SP4: variants seen among roughly 807,000 people sequenced by gnomAD.
SP4 encodes transcription factor Sp4.
A neutral mutation model predicts 72.8 loss-of-function variants in SP4; 19 were observed. The observed-to-expected ratio is 0.26, with a 90% CI of 0.18 to 0.38. The LOEUF (loss-of-function observed/expected upper bound fraction) is 0.38, where lower values mean the gene tolerates loss of function less well. SP4 is among the 10% of genes least tolerant of loss of function. The pLI is 1.00. For synonymous variants in SP4, 395 were observed against 333.1 expected, an observed-to-expected ratio of 1.19 and a Z score of -2.02; for missense variants, 1,008 against 926.3, an observed-to-expected ratio of 1.09 and a Z score of -1.14.
At chr7:21,479,419 C>G (rs1479147845) in intron 4 of SP4, among the ~76,000 whole-genome samples, 1 of 152,162 alleles carries the variant, frequency 6.6e-6, no homozygotes, top group Non-Finnish European at 1.5e-5. Context: ...TCTTGGCACC[C>G]ATGTCAAAAA....
intron 3 of SP4, among the ~76,000 whole-genome samples, chr7:21,453,908 CCTAT>C (rs1420063994): frequency 2.0e-5 from 3 of 152,184 alleles, no homozygotes; most frequent in African/African-American, 4.8e-5. Context: ...TTAGCTTTAT[CCTAT>C]CTAACTTAAA....
chr7:21,463,679 C>T (rs1784072371), intron 3 of SP4, among the ~76,000 whole-genome samples: 3 of 152,280 alleles, frequency 2.0e-5, no homozygotes, highest in South Asian at 4.1e-4. Flanking sequence ...AGCCTGACTT[C>T]TTGGAGGAAG....
chr7:21,482,703 C>T (rs1784719533), intron 5 of SP4: 1 of 978,666 alleles, frequency 1.0e-6, no homozygotes. Context: ...TTTACGTACA[C>T]TTTTAATACT....
chr7:21,508,807 C>CTTTTT (rs11418275), intron 5 of SP4, among the ~76,000 whole-genome samples: 6 of 111,532 alleles, frequency 5.4e-5, no homozygotes, highest in Admixed American at 2.0e-4. Context: ...TGTCTACACA[C>CTTTTT]TTTTTTTTTT....
intron 3 of SP4, among the ~76,000 whole-genome samples, chr7:21,453,304 A>G (rs2128399381): frequency 6.6e-6 from 1 of 152,270 alleles, no homozygotes; most frequent in Admixed American, 6.5e-5. Context: ...TCCAGTTATC[A>G]GAAACCTGCA....
At chr7:21,504,459 G>C (rs925911027) in intron 5 of SP4, among the ~76,000 whole-genome samples, 2 of 152,084 alleles carry the variant, frequency 1.3e-5, no homozygotes, top group African/African-American at 4.8e-5. Flanking sequence ...TTCTCACATA[G>C]GGAGTGTTTA....
intron 3 of SP4, among the ~76,000 whole-genome samples, chr7:21,454,840 A>G (rs1369025083): frequency 6.6e-6 from 1 of 152,200 alleles, no homozygotes; most frequent in African/African-American, 2.4e-5. Flanking sequence ...CCATCTTTGA[A>G]AGTAAGTTTT....
chr7:21,481,420 G>C (rs1450636209), intron 4 of SP4, among the ~76,000 whole-genome samples: 1 of 152,152 alleles, frequency 6.6e-6, no homozygotes, highest in Admixed American at 6.5e-5. Context: ...AGATTTTCTT[G>C]AATAAATGTT....
chr7:21,458,010 G>A (rs1192166630), intron 3 of SP4, among the ~76,000 whole-genome samples: 1 of 152,140 alleles, frequency 6.6e-6, no homozygotes, highest in Non-Finnish European at 1.5e-5. Context: ...GAAATTAAAA[G>A]GCTAAATTAC....
intron 5 of SP4, among the ~76,000 whole-genome samples, chr7:21,500,897 C>G (rs1040188911): frequency 6.6e-6 from 1 of 152,162 alleles, no homozygotes; most frequent in Non-Finnish European, 1.5e-5. Context: ...AACACACATT[C>G]GCCTGTCTGA....
intron 3 of SP4, among the ~76,000 whole-genome samples, chr7:21,473,153 G>T (rs1290321343): frequency 1.3e-5 from 2 of 152,154 alleles, no homozygotes; most frequent in African/African-American, 4.8e-5. Context: ...GGTTGGTAGA[G>T]GCACAGATTG....
intron 3 of SP4, among the ~76,000 whole-genome samples, chr7:21,450,679 A>C (rs952804150): frequency 6.6e-6 from 1 of 152,202 alleles, no homozygotes; most frequent in African/African-American, 2.4e-5. Flanking sequence ...ACAGGATATA[A>C]CTTAGTAAGG....
chr7:21,428,655 G>A (rs1782714468), intron 1 of SP4, 22 bp from the exon 2 acceptor site: 1 of 1,527,534 alleles, frequency 6.5e-7, no homozygotes, highest in East Asian at 2.4e-5. Context: ...TCGTGTGTGT[G>A]TGGTGGGGGG....
chr7:21,457,811 G>C (rs1272946934), intron 3 of SP4, among the ~76,000 whole-genome samples: 1 of 152,084 alleles, frequency 6.6e-6, no homozygotes, highest in East Asian at 1.9e-4. Flanking sequence ...TTGTGTTTAG[G>C]AGTTGGGGTC....
chr7:21,459,907 TGAG>T (rs1397853883), intron 3 of SP4, among the ~76,000 whole-genome samples: 1 of 152,176 alleles, frequency 6.6e-6, no homozygotes, highest in Non-Finnish European at 1.5e-5. Context: ...ATGTTCCAGT[TGAG>T]GAGACAGAAT....
intron 3 of SP4, among the ~76,000 whole-genome samples, chr7:21,468,101 A>G (rs924469279): frequency 6.6e-6 from 1 of 152,158 alleles, no homozygotes; most frequent in Admixed American, 6.5e-5. Flanking sequence ...TTCCAAAAGA[A>G]GAAATAAGGC....
At chr7:21,496,685 T>G (rs546884556) in intron 5 of SP4, among the ~76,000 whole-genome samples, 5 of 152,250 alleles carry the variant, frequency 3.3e-5, no homozygotes, top group African/African-American at 9.6e-5. Flanking sequence ...TTATTTATTT[T>G]TTTTTCAAAT....
At position 21,430,467 on chromosome 7, in the gene SP4, G is replaced by C; in HGVS notation, c.1302G>C (p.Gln434His). ...AACTCCAGTCAGGGCAGACGATTCA[G>C]ACCATCCAGCAGCAGCCTTTACAGA... is the stretch of plus-strand genomic sequence containing the variant. ...SFQLQSGQTI[Q>H]TIQQQPLQNV... The change falls in exon 3 of 6, where the codon CAG (glutamine) becomes CAC (histidine). Residue 434 changes from glutamine (Q) to histidine (H), a missense_variant. Around this residue, in one of 3 missense-constraint regions of SP4, gnomAD observed 893 missense variants for 743.3 expected, o/e 1.20. Transcript: ENST00000222584. The C allele has an allele frequency of 6.2e-7, 1 of 1,614,204 alleles. No individual in the cohort carries two copies. The highest frequency in any genetic ancestry group is 8.5e-7 in the Non-Finnish European group (1 of 1,180,032).
chr7:21,497,633 C>G (rs1781752822), intron 5 of SP4, among the ~76,000 whole-genome samples: 2 of 152,064 alleles, frequency 1.3e-5, no homozygotes, highest in African/African-American at 4.8e-5. Context: ...TTAGAATGAT[C>G]CTTGTGTTGA....
Sources: gnomAD v4.1 joint callset for allele counts (sites outside exome capture counted in the v4.1 genomes callset) on GRCh38, gnomAD v4.1.1 for gene constraint, gnomAD v4.1.1 regional missense constraint, MANE v1.5 for transcripts, NCBI Gene and HGNC (gene_info 2026-07-23, HGNC 2026-07-21) for gene names.